Variants in AP2A1 observed in about 807,000 individuals in gnomAD.
The protein encoded by AP2A1 is AP-2 complex subunit alpha-1.
In AP2A1, 21 loss-of-function variants were observed where a neutral mutation model predicts 107.3. The observed-to-expected ratio is 0.20, with a 90% CI of 0.14 to 0.28. The LOEUF is 0.28. Ranked by LOEUF, AP2A1 falls within the 10% of genes least tolerant of loss-of-function variation. The pLI is 1.00. For missense variants in AP2A1, 873 were observed against 1,307.7 expected, an observed-to-expected ratio of 0.67 and a Z score of 5.13; for synonymous variants, 602 against 564.8, an observed-to-expected ratio of 1.07 and a Z score of -0.93.
At chr19:49,802,351 TG>T in intron 15 of AP2A1, 1 of 853,600 alleles carries the variant, frequency 1.2e-6, no homozygotes, top group Non-Finnish European at 1.9e-6. Context: ...CCGCCGACCC[TG>T]GCCACCCTTC....
intron 4 of AP2A1, 133 bp downstream of exon 4, chr19:49,782,857 A>G (rs2084694387): frequency 9.2e-7 from 1 of 1,090,070 alleles, no homozygotes; most frequent in East Asian, 2.6e-5. Flanking sequence ...TGGGCTGGGG[A>G]CCCAGTGGTT....
In AP2A1 at chr19:49,805,957, CGT is replaced by C; in HGVS notation, c.2655+19_2655+20del. 1.2e-6 allele frequency: 2 copies of C among 1,613,678 alleles called. No individual in the cohort carries two copies. Among genetic ancestry groups the C allele is most frequent in the South Asian group, 1.1e-5 (1 of 91,078 alleles). ...TAAGGCCAAGGTGAGAGACCGCGGG[CGT>C]GTTTGCCGGCCTATGGCTGCTTTGC... On this transcript the variant is annotated intron_variant, in intron 21 of 22. Transcript: ENST00000354293.
At chr19:49,771,587 T>G (rs2084558601) in intron 1 of AP2A1, among the ~76,000 whole-genome samples, 1 of 151,954 alleles carries the variant, frequency 6.6e-6, no homozygotes. Context: ...TTTTGTATTT[T>G]TAGTAGAGAC....
chr19:49,775,267 A>C (rs970877611), intron 1 of AP2A1, among the ~76,000 whole-genome samples: 4 of 152,120 alleles, frequency 2.6e-5, no homozygotes, highest in African/African-American at 4.8e-5. Context: ...AGTGAAATTC[A>C]TTTTAATATA....
Position 49,795,719 on chromosome 19 carries a change from G to A in AP2A1, c.795G>A (p.Leu265=). Reference sequence around the variant, plus strand: ...TCTCGGTGAAGCTCCTGCGGCTGCTGCAGTGCTACCCGCCTCCAGGTAATG... The same window carrying A: ...TCTCGGTGAAGCTCCTGCGGCTGCTACAGTGCTACCCGCCTCCAGGTAATG... ...PWLSVKLLRL[L]QCYPPPEDAA... Residue 265 remains leucine (L), a synonymous_variant, in exon 7 of 23, where the codon CTG becomes CTA. Transcript: ENST00000354293. The A allele has an allele frequency of 6.4e-7, 1 of 1,558,192 alleles. No homozygotes were observed.
chr19:49,781,141 C>G (rs748607271), intron 1 of AP2A1, among the ~76,000 whole-genome samples: 14 of 152,142 alleles, frequency 9.2e-5, no homozygotes, highest in Non-Finnish European at 1.8e-4. Flanking sequence ...ATTCCACAAG[C>G]AGGTCCTGTC....
chr19:49,786,875 G>C (rs1361433066), intron 4 of AP2A1, among the ~76,000 whole-genome samples: 5 of 152,206 alleles, frequency 3.3e-5, no homozygotes, highest in South Asian at 2.1e-4. Flanking sequence ...GGATGCCGAG[G>C]GGTGGTGCTC....
At chr19:49,784,421 G>A (rs1369046277) in intron 4 of AP2A1, among the ~76,000 whole-genome samples, 1 of 147,532 alleles carries the variant, frequency 6.8e-6, no homozygotes, top group African/African-American at 2.5e-5. Context: ...GACAGAGCAA[G>A]ACTCTGTCTC....
rs545749421 is a variant in AP2A1, at chr19:49,788,589, G to A, written c.474-3346G>A. ...ATGCGCTGTGGCTCAGGAGATGTGC[G>A]CCGTGGCAGCGATGGGAAAGTGGCC... On this transcript the variant is annotated intron_variant, in intron 4 of 22. Coordinates refer to ENST00000354293, the MANE Select transcript of AP2A1 (RefSeq NM_130787.3). This position sits in a 1 kb window ranked among gnomAD's most constrained non-coding sequence, Gnocchi z 4.5. Among the ~76,000 whole-genome samples, 3 of 150,810 alleles carry A rather than the reference G, an allele frequency of 2.0e-5. No homozygotes were observed. Among genetic ancestry groups the A allele is most frequent in the Non-Finnish European group, 3.0e-5 (2 of 67,676 alleles).
At chr19:49,784,270 T>C (rs1325302612) in intron 4 of AP2A1, among the ~76,000 whole-genome samples, 3 of 151,812 alleles carry the variant, frequency 2.0e-5, no homozygotes, top group Non-Finnish European at 4.4e-5. Flanking sequence ...CTACTAAAAA[T>C]ACAAAAATTA....
intron 1 of AP2A1, among the ~76,000 whole-genome samples, chr19:49,768,877 T>G (rs1014288550): frequency 7.5e-4 from 114 of 152,308 alleles, no homozygotes; most frequent in African/African-American, 2.6e-3. Context: ...ATTCATTCAT[T>G]CACTTGACAA....
chr19:49,768,345 G>C (rs2084524748), intron 1 of AP2A1, among the ~76,000 whole-genome samples: 1 of 152,138 alleles, frequency 6.6e-6, no homozygotes, highest in Admixed American at 6.5e-5. Flanking sequence ...GGGTCAGCCA[G>C]ACTTGGGTTT....
rs879579334 is a variant in AP2A1, at chr19:49,785,068, A to T, written c.473+2344A>T. Among the ~76,000 whole-genome samples the T allele has an allele frequency of 2.6e-5, 4 of 152,238 alleles. No individual in the cohort carries two copies. The highest frequency in any genetic ancestry group is 5.9e-5 in the Non-Finnish European group (4 of 68,042). On this transcript the variant is annotated intron_variant, in intron 4 of 22. Transcript: ENST00000354293. This position sits in a 1 kb window ranked among gnomAD's most constrained non-coding sequence, Gnocchi z 4.1. ...GGAAAGAGACAAAGACTCATGGAAGACAGAGAACATCTAACAGAATTGCCA... is the reference window on the plus strand; with the variant it reads ...GGAAAGAGACAAAGACTCATGGAAGTCAGAGAACATCTAACAGAATTGCCA...
intron 3 of AP2A1, 58 bp downstream of exon 3, chr19:49,782,147 C>T: frequency 1.6e-6 from 1 of 612,266 alleles, no homozygotes; most frequent in Non-Finnish European, 2.1e-6. Context: ...GGGGAGGGGG[C>T]TGGAGGTCTG....
intron 6 of AP2A1, 43 bp from the exon 7 acceptor site, chr19:49,795,587 T>TCC: frequency 6.8e-6 from 2 of 292,408 alleles, no homozygotes; most frequent in South Asian, 6.4e-5. Flanking sequence ...CACGTGCCCC[T>TCC]CCCACCCCAG....
At chr19:49,779,785 G>A (rs746013404) in intron 1 of AP2A1, among the ~76,000 whole-genome samples, 1 of 152,132 alleles carries the variant, frequency 6.6e-6, no homozygotes, top group African/African-American at 2.4e-5. Context: ...GTGTATGTTT[G>A]CTGTTGACAG....
At chr19:49,796,611 CTGTG>C (rs2073217104) in intron 7 of AP2A1, 2 of 152,132 alleles carry the variant, frequency 1.3e-5, no homozygotes, top group African/African-American at 4.8e-5. Flanking sequence ...ATGCGTTCGC[CTGTG>C]TGTGTCGATA....
At chr19:49,801,663 C>G (rs542916736) in intron 13 of AP2A1, 42 bp downstream of exon 13, 3 of 1,525,144 alleles carry the variant, frequency 2.0e-6, no homozygotes, top group African/African-American at 1.4e-5. Flanking sequence ...TTGCACACCC[C>G]CTTCCCGCCC....
chr19:49,806,918 C>T lies in AP2A1; in HGVS notation c.*160C>T, dbSNP rs2073407590. The T allele has an allele frequency of 1.3e-6, 2 of 1,535,800 alleles. No individual in the cohort carries two copies. Among genetic ancestry groups the T allele is most frequent in the East Asian group, 2.4e-5 (1 of 40,882 alleles). ...GGCCTTTTGTATTTTTATTTTTGTT[C>T]ATCTGCTGCTGTTTACATTCTGGGG... On this transcript the variant is annotated 3_prime_UTR_variant, in exon 23 of 23. Transcript: ENST00000354293.
Sources: gnomAD v4.1 joint callset for allele counts (sites outside exome capture counted in the v4.1 genomes callset) on GRCh38, gnomAD v4.1.1 for gene constraint, Gnocchi (gnomAD v3.1) non-coding constraint, MANE v1.5 for transcripts, NCBI Gene and HGNC (gene_info 2026-07-23, HGNC 2026-07-21) for gene names.